Variants in DST observed in about 807,000 individuals in gnomAD.
The protein encoded by DST is dystonin, also known as bullous pemphigoid antigen.
In DST, 253 loss-of-function variants were observed where a neutral mutation model predicts 875.2. The ratio of observed to expected loss-of-function variants is 0.29; its 90% CI spans 0.26 to 0.32. DST has a LOEUF of 0.32. Among genes scored for constraint, DST ranks in the 10% least tolerant of loss-of-function variants. DST has a pLI of 1.00. For missense variants in DST, 8,287 were observed against 9,111.6 expected, an observed-to-expected ratio of 0.91 and a Z score of 3.68; for synonymous variants, 3,124 against 3,197.1, an observed-to-expected ratio of 0.98 and a Z score of 0.77.
At chr6:56,797,225 A>C (rs906835072) in intron 4 of DST, among the ~76,000 whole-genome samples, 3 of 152,216 alleles carry the variant, frequency 2.0e-5, no homozygotes, top group African/African-American at 7.2e-5. Context: ...CAGTAAACTT[A>C]ATCAAGAAAT....
At chr6:56,638,249 G>T (rs182715162) in intron 22 of DST, among the ~76,000 whole-genome samples, 1 of 151,944 alleles carries the variant, frequency 6.6e-6, no homozygotes, top group East Asian at 1.9e-4. Flanking sequence ...TAGTGTATTA[G>T]TGTACAAAAC....
intron 2 of DST, among the ~76,000 whole-genome samples, chr6:56,937,176 T>C (rs376651178): frequency 6.6e-6 from 1 of 152,116 alleles, no homozygotes; most frequent in Non-Finnish European, 1.5e-5. Flanking sequence ...AATTGATAAA[T>C]TGGACTTATT....
intron 2 of DST, among the ~76,000 whole-genome samples, chr6:56,950,359 T>C (rs187972828): frequency 6.6e-6 from 1 of 152,176 alleles, no homozygotes; most frequent in African/African-American, 2.4e-5. Context: ...GGCATTATAA[T>C]AGTCTCCATT....
rs760073166 is a variant in DST, at chr6:56,527,500, C to A, written c.17915G>T (p.Arg5972Ile). 4.3e-6 allele frequency: 7 copies of A among 1,613,200 alleles called. No homozygotes were observed. Among genetic ancestry groups the A allele is most frequent in the Middle Eastern group, 3.3e-4 (2 of 6,056 alleles). Residue 5972 changes from arginine (R) to isoleucine (I), a missense_variant, in exon 68 of 104, where the codon AGA (arginine) becomes ATA (isoleucine). Transcript: ENST00000680361. ...GCAGAAATCAGAGCTTACCTTTGGT[C>A]TCATTTGTGCTTGACTTGCTTCTTC... Reference protein sequence around the residue: ...KGEEASQAQMRPKELKKEAKN... With the variant: ...KGEEASQAQMIPKELKKEAKN...
chr6:56,876,936 T>C (rs912394302), intron 3 of DST, among the ~76,000 whole-genome samples: 2 of 152,328 alleles, frequency 1.3e-5, no homozygotes, highest in South Asian at 4.1e-4. Context: ...AATTCCTGTC[T>C]CTTCTTAGGC....
Position 56,603,924 on chromosome 6 carries a change from G to A in DST, c.10704C>T (p.Leu3568=), listed in dbSNP as rs756129302. The change falls in exon 40 of 104, where the codon CTC becomes CTT. Residue 3568 remains leucine (L), a synonymous_variant. Transcript: ENST00000680361. The part of the protein sequence containing the change: ...WASTLPRDEK[L]KDLCNDFPSH... ...TTGGGAAATCATTACACAGATCCTT[G>A]AGCTTCTCATCTCTTGGCAATGTTG... The A allele has an allele frequency of 3.7e-6, 6 of 1,611,396 alleles. No individual in the cohort carries two copies. Among genetic ancestry groups the A allele is most frequent in the Non-Finnish European group, 5.1e-6 (6 of 1,178,564 alleles).
chr6:56,829,732 T>C (rs2099784905), intron 4 of DST, among the ~76,000 whole-genome samples: 1 of 152,130 alleles, frequency 6.6e-6, no homozygotes. Context: ...GACCATTAAT[T>C]TTTTTATGTC....
chr6:56,633,509 A>C (rs2098800567), intron 27 of DST, among the ~76,000 whole-genome samples: 1 of 149,200 alleles, frequency 6.7e-6, no homozygotes, highest in South Asian at 2.2e-4. Flanking sequence ...TACAGGTGTG[A>C]GCCACCGCGC....
chr6:56,553,144 G>T lies in DST; in HGVS notation c.15648C>A (p.Asp5216Glu). 1 of 1,613,910 alleles carries T rather than the reference G, an allele frequency of 6.2e-7. No individual in the cohort carries two copies. Among genetic ancestry groups the T allele is most frequent in the East Asian group, 2.2e-5 (1 of 44,884 alleles). The stretch of plus-strand genomic sequence containing the variant: ...GTAATTCTACCATACCAAAGTGTTG[G>T]TCCATTTCCTTCTGCAGAGACTTTA... The part of the protein sequence containing the change: ...AKLKSLQKEM[D>E]QHFGMVELLN... Residue 5216 changes from aspartate to glutamate, a missense_variant, in exon 61 of 104, where the codon GAC (aspartate) becomes GAA (glutamate). Coordinates refer to ENST00000680361, the MANE Select transcript of DST (RefSeq NM_001374736.1).
In DST at chr6:56,593,970, T is replaced by G. The variant is rs1010565298; in HGVS notation, c.12419A>C (p.Asp4140Ala). 2.5e-6 allele frequency: 4 copies of G among 1,613,848 alleles called. No homozygotes were observed. The highest frequency in any genetic ancestry group is 3.4e-6 in the Non-Finnish European group (4 of 1,179,880). The change falls in exon 48 of 104, where the codon GAT becomes GCT. Residue 4140 changes from aspartate (D) to alanine (A), a missense_variant. Physicochemically the swap from Asp to Ala is moderately radical, Grantham distance 126 (BLOSUM62 -2). Around this residue, in one of 10 missense-constraint regions of DST, gnomAD observed 1,513 missense variants for 1,677.8 expected, o/e 0.90. Transcript: ENST00000680361. ...HSLQEELEKF[D>A]ADYTEFEHWL... is the part of the protein sequence containing the mutation. ...GTGCTCAAACTCGGTATAGTCAGCA[T>G]CAAACTTTTCTAATTCTTCCTGCAG...
intron 4 of DST, among the ~76,000 whole-genome samples, chr6:56,789,182 T>G (rs2099710829): frequency 2.0e-5 from 3 of 152,088 alleles, no homozygotes; most frequent in Admixed American, 2.0e-4. Context: ...AAAATTTTTT[T>G]TAATTAGCCA....
In DST at chr6:56,674,682, TA is replaced by T. The variant is rs889858115; in HGVS notation, c.1048-3876del. ...GAAAGCAATCCCATTAACAATAGCT[TA>T]AAAAAAAGACTTAGTAATAAATTTA... On this transcript the variant is annotated intron_variant, in intron 9 of 103. Transcript: ENST00000680361. Among the ~76,000 whole-genome samples, 8 of 151,768 alleles carry T rather than the reference TA, an allele frequency of 5.3e-5. No homozygotes were observed. The East Asian group carries it at 9.6e-4, about 18-fold the overall frequency.
chr6:56,509,318 T>C (rs1224128459), intron 74 of DST, among the ~76,000 whole-genome samples: 2 of 152,276 alleles, frequency 1.3e-5, no homozygotes, highest in South Asian at 2.1e-4. Context: ...GAGTCAGTAA[T>C]GAGGAAAAAA....
intron 2 of DST, among the ~76,000 whole-genome samples, chr6:56,947,095 G>A (rs897062478): frequency 6.6e-6 from 1 of 151,892 alleles, no homozygotes; most frequent in Non-Finnish European, 1.5e-5. Context: ...ACTCAGCCTC[G>A]GGGTCACCAG....
chr6:56,605,308 C>T lies in DST; in HGVS notation c.9320G>A (p.Gly3107Glu), dbSNP rs755543623. ...ITNNEELNQK[G>E]SLKKATVTLK... is the part of the protein sequence containing the mutation. Reference sequence around the variant, plus strand: ...AGTTACAGTTGCTTTTTTAAGGCTTCCTTTCTGATTAAGTTCTTCATTGTT... The same window carrying T: ...AGTTACAGTTGCTTTTTTAAGGCTTTCTTTCTGATTAAGTTCTTCATTGTT... The change falls in exon 40 of 104, where the codon GGA (glycine) becomes GAA (glutamate). Residue 3107 changes from glycine (G) to glutamate (E), a missense_variant. Around this residue, in one of 10 missense-constraint regions of DST, gnomAD observed 3,138 missense variants for 3,116.6 expected, o/e 1.01. Coordinates refer to ENST00000680361, the MANE Select transcript of DST (RefSeq NM_001374736.1). The T allele has an allele frequency of 6.2e-7, 1 of 1,611,724 alleles. No homozygotes were observed. The highest frequency in any genetic ancestry group is 8.5e-7 in the Non-Finnish European group (1 of 1,178,864).
intron 2 of DST, among the ~76,000 whole-genome samples, chr6:56,941,299 T>C (rs1055994767): frequency 3.3e-5 from 5 of 152,200 alleles, no homozygotes; most frequent in Non-Finnish European, 1.5e-5. Context: ...TCCTTATTGA[T>C]ACATGAATTA....
chr6:56,749,999 T>C (rs1442594609), intron 4 of DST, among the ~76,000 whole-genome samples: 1 of 152,138 alleles, frequency 6.6e-6, no homozygotes, highest in Admixed American at 6.5e-5. Context: ...AGAAGGGCTC[T>C]GCCGCTACCA....
In DST at chr6:56,530,062, C is replaced by T; in HGVS notation, c.17180G>A (p.Trp5727Ter). The change falls in exon 65 of 104, where the codon TGG becomes TAG. Residue 5727 changes from tryptophan (W) to a stop codon, truncating the protein, a stop_gained. Coordinates refer to ENST00000680361, the MANE Select transcript of DST (RefSeq NM_001374736.1). LOFTEE classifies it high-confidence loss of function. ...FHETLEPLNE[W>*]LTTIEKRLVN... ...CAGCCTCTTTTCTATGGTTGTAAGC[C>T]ACTCGTTCAGTGGTTCTAAGGTTTC... 6.2e-7 allele frequency: 1 copy of T among 1,612,678 alleles called. No individual in the cohort carries two copies. The highest frequency in any genetic ancestry group is 8.5e-7 in the Non-Finnish European group (1 of 1,179,474).
intron 9 of DST, among the ~76,000 whole-genome samples, chr6:56,697,866 A>T (rs1300126160): frequency 6.6e-6 from 1 of 152,228 alleles, no homozygotes; most frequent in Non-Finnish European, 1.5e-5. Context: ...AAAGCCACTG[A>T]GGAACTCCAT....
Sources: allele counts gnomAD v4.1 joint callset (sites outside exome capture counted in the v4.1 genomes callset), GRCh38; gene constraint gnomAD v4.1.1; regional missense constraint gnomAD v4.1.1; transcripts MANE v1.5; gene names NCBI Gene and HGNC (gene_info 2026-07-23, HGNC 2026-07-21).